The following CDH12 variants were observed in gnomAD, a reference collection of about 807,000 sequenced individuals.
CDH12 encodes the protein cadherin 12, also known as cadherin-12.
In CDH12, 41 loss-of-function variants were observed where a neutral mutation model predicts 74.1. The observed-to-expected ratio is 0.55, with a 90% CI of 0.43 to 0.72. The LOEUF is 0.72. Among genes scored for constraint, CDH12 ranks in the 30% least tolerant of loss-of-function variants. The pLI is 0.00. For missense variants in CDH12, 945 were observed against 977.2 expected (o/e 0.97, Z 0.44); for synonymous variants, 399 against 355.0 (o/e 1.12, Z -1.39).
intron 5 of CDH12, among the ~76,000 whole-genome samples, chr5:22,017,846 G>A (rs1737700704): frequency 6.6e-6 from 1 of 150,440 alleles, no homozygotes; most frequent in Admixed American, 6.7e-5. Flanking sequence ...CACAACACCT[G>A]CCTCCCGAGT....
chr5:22,037,832 C>G (rs879887501), intron 5 of CDH12, among the ~76,000 whole-genome samples: 2 of 152,092 alleles, frequency 1.3e-5, no homozygotes, highest in South Asian at 2.1e-4. Flanking sequence ...CCAGTGAGCA[C>G]AGAAATTCAG....
intron 9 of CDH12, among the ~76,000 whole-genome samples, chr5:21,802,852 A>G (rs143538985): frequency 0.013 from 1,960 of 152,206 alleles, 47 homozygotes; most frequent in African/African-American, 0.045. Flanking sequence ...TCGGCCTCCC[A>G]AAGGACTGGG....
chr5:22,017,054 A>T (rs1046893160), intron 5 of CDH12, among the ~76,000 whole-genome samples: 5 of 152,088 alleles, frequency 3.3e-5, no homozygotes, highest in African/African-American at 1.2e-4. Context: ...AGCTAACTGG[A>T]TCAAGGGTAG....
At chr5:22,749,938 C>A (rs1450539176) in intron 1 of CDH12, among the ~76,000 whole-genome samples, 1 of 152,166 alleles carries the variant, frequency 6.6e-6, no homozygotes, top group South Asian at 2.1e-4. Context: ...GGCACACATA[C>A]AATTTTTCAA....
intron 1 of CDH12, among the ~76,000 whole-genome samples, chr5:22,769,873 G>C (rs1323412521): frequency 6.6e-6 from 1 of 151,834 alleles, no homozygotes; most frequent in Non-Finnish European, 1.5e-5. Context: ...ACACTTACTG[G>C]CTCATTTAAT....
intron 5 of CDH12, among the ~76,000 whole-genome samples, chr5:22,002,117 T>A (rs1391942139): frequency 2.0e-5 from 3 of 152,136 alleles, no homozygotes. Context: ...AAAGAGAGAC[T>A]CCAAAACTCA....
chr5:22,851,151 C>G (rs1737538760), intron 1 of CDH12, among the ~76,000 whole-genome samples: 2 of 152,056 alleles, frequency 1.3e-5, no homozygotes, highest in Admixed American at 6.6e-5. Flanking sequence ...GTAGTAAGAA[C>G]TTAATACATA....
chr5:22,425,685 C>T (rs1743899825), intron 2 of CDH12, among the ~76,000 whole-genome samples: 1 of 151,560 alleles, frequency 6.6e-6, no homozygotes, highest in African/African-American at 2.4e-5. Context: ...TCTTTACTTT[C>T]TTAATTTATA....
intron 1 of CDH12, among the ~76,000 whole-genome samples, chr5:22,620,586 C>A (rs137933969): frequency 6.6e-6 from 1 of 152,122 alleles, no homozygotes; most frequent in Non-Finnish European, 1.5e-5. Flanking sequence ...ACTTGATGTA[C>A]TTATAGTTCA....
At chr5:21,954,665 G>A (rs1247222845) in intron 6 of CDH12, among the ~76,000 whole-genome samples, 2 of 151,998 alleles carry the variant, frequency 1.3e-5, no homozygotes, top group Admixed American at 6.6e-5. Context: ...GTGTGTGGGT[G>A]CACAATAGAT....
intron 1 of CDH12, among the ~76,000 whole-genome samples, chr5:22,830,545 C>A (rs1305682581): frequency 6.6e-6 from 1 of 151,656 alleles, no homozygotes; most frequent in African/African-American, 2.4e-5. Context: ...TTTTGAAGTT[C>A]TCCCTTATTT....
chr5:22,000,216 C>G (rs933474996), intron 5 of CDH12, among the ~76,000 whole-genome samples: 1 of 152,158 alleles, frequency 6.6e-6, no homozygotes. Flanking sequence ...CTTGCCTTGG[C>G]CTCCCAAAGC....
chr5:22,157,704 G>A (rs1748109135), intron 4 of CDH12, among the ~76,000 whole-genome samples: 2 of 151,864 alleles, frequency 1.3e-5, no homozygotes, highest in African/African-American at 4.8e-5. Context: ...TTCCTAGTTA[G>A]TTCTGTAAGC....
At chr5:22,448,772 A>G (rs1744928549) in intron 2 of CDH12, among the ~76,000 whole-genome samples, 1 of 151,988 alleles carries the variant, frequency 6.6e-6, no homozygotes, top group Non-Finnish European at 1.5e-5. Flanking sequence ...TATATTTCCT[A>G]CTATTTTTTT....
chr5:22,076,230 A>G (rs1035769576), intron 5 of CDH12, among the ~76,000 whole-genome samples: 3 of 152,116 alleles, frequency 2.0e-5, no homozygotes, highest in Non-Finnish European at 4.4e-5. Flanking sequence ...TTACATTTAT[A>G]AATACTAGTT....
At chr5:22,764,038 A>C (rs2127060303) in intron 1 of CDH12, among the ~76,000 whole-genome samples, 1 of 148,922 alleles carries the variant, frequency 6.7e-6, no homozygotes, top group African/African-American at 2.5e-5. Context: ...AAGTTATGAT[A>C]CAAAACCAGT....
chr5:21,869,738 G>A (rs901255362), intron 6 of CDH12, among the ~76,000 whole-genome samples: 1 of 152,002 alleles, frequency 6.6e-6, no homozygotes, highest in African/African-American at 2.4e-5. Flanking sequence ...CATATTAGGG[G>A]GAATTATTAC....
chr5:22,471,532 A>G (rs955470920), intron 2 of CDH12, among the ~76,000 whole-genome samples: 1 of 152,202 alleles, frequency 6.6e-6, no homozygotes, highest in Non-Finnish European at 1.5e-5. Context: ...CACTCCACAT[A>G]CAAGGCTACA....
chr5:22,292,765 T>C (rs1737450079), intron 3 of CDH12, among the ~76,000 whole-genome samples: 1 of 152,126 alleles, frequency 6.6e-6, no homozygotes, highest in South Asian at 2.1e-4. Context: ...GCTGAGGATG[T>C]AGAAAAACAA....
Sources: gnomAD v4.1 joint callset for allele counts (sites outside exome capture counted in the v4.1 genomes callset) on GRCh38, gnomAD v4.1.1 for gene constraint, MANE v1.5 for transcripts, NCBI Gene and HGNC (gene_info 2026-07-23, HGNC 2026-07-21) for gene names.